The following LBP variants were observed in gnomAD, a reference collection of about 807,000 sequenced individuals.
LBP encodes the protein lipopolysaccharide-binding protein.
A neutral mutation model predicts 56.6 loss-of-function variants in LBP; 53 were observed. That is an observed-to-expected ratio of 0.94 (90% CI 0.75 to 1.18). The LOEUF (loss-of-function observed/expected upper bound fraction) is 1.18. LBP is among the 50% of genes most tolerant of loss of function. LBP has a pLI of 0.00. For synonymous variants in LBP, 227 were observed against 247.5 expected, an observed-to-expected ratio of 0.92 and a Z score of 0.78; for missense variants, 601 against 598.3, an observed-to-expected ratio of 1.00 and a Z score of -0.05.
In LBP at chr20:38,357,626, A is replaced by C. The variant is rs11536950; in HGVS notation, c.588+2217A>C. On this transcript the variant is annotated intron_variant, in intron 5 of 14. Coordinates refer to ENST00000217407, the MANE Select transcript of LBP (RefSeq NM_004139.5). ...CTCACGCAAGAAAGAATTTGGGGTG[A>C]GTTCATAAAGTGAAAGCAAGTTTAT... Among the ~76,000 whole-genome samples, 1,395 of 152,352 alleles carry C rather than the reference A, an allele frequency of 9.2e-3. 23 individuals are homozygous for C. Among genetic ancestry groups the C allele is most frequent in the African/African-American group, 0.03 (1,253 of 41,574 alleles).
At chr20:38,376,439 A>G (rs563377527) in intron 14 of LBP, among the ~76,000 whole-genome samples, 186 bp from the exon 15 acceptor site, 1 of 152,352 alleles carries the variant, frequency 6.6e-6, no homozygotes, top group African/African-American at 2.4e-5. Flanking sequence ...ACCTTGGAGA[A>G]GGTAGCTGGG....
chr20:38,376,474 T>C (rs2083959050), intron 14 of LBP, 151 bp from the exon 15 acceptor site: 2 of 723,090 alleles, frequency 2.8e-6, no homozygotes, highest in Non-Finnish European at 5.0e-6. Context: ...ACGGAGAGCT[T>C]GGGGACTGAG....
In LBP at chr20:38,354,349, G is replaced by A; in HGVS notation, c.434G>A (p.Gly145Asp). 6.2e-7 allele frequency: 1 copy of A among 1,613,750 alleles called. No homozygotes were observed. Among genetic ancestry groups the A allele is most frequent in the Non-Finnish European group, 8.5e-7 (1 of 1,179,946 alleles). Reference sequence around the variant, plus strand: ...AGCATTTCGGTCAACCTCCTGTTGGGCAGCGAGTCCTCCGGGAGGCCCACA... The same window carrying A: ...AGCATTTCGGTCAACCTCCTGTTGGACAGCGAGTCCTCCGGGAGGCCCACA... ...GISISVNLLL[G>D]SESSGRPTVT... The change falls in exon 4 of 15, where the codon GGC becomes GAC. Residue 145 changes from glycine to aspartate, a missense_variant. Gly to Asp is a moderately conservative substitution (Grantham distance 94). Coordinates refer to ENST00000217407, the MANE Select transcript of LBP (RefSeq NM_004139.5).
chr20:38,373,167 A>G, intron 13 of LBP, 32 bp downstream of exon 13: 1 of 1,557,488 alleles, frequency 6.4e-7, no homozygotes, highest in South Asian at 1.1e-5. Flanking sequence ...TCCAAGTCAA[A>G]AGTGAACACT....
rs2076898175 is a variant in LBP at position 38,370,785 on chromosome 20, T to C, written c.1197T>C (p.Thr399=). 1.9e-6 allele frequency: 3 copies of C among 1,614,088 alleles called. No individual in the cohort carries two copies. Among genetic ancestry groups the C allele is most frequent in the East Asian group, 4.5e-5 (2 of 44,872 alleles). The part of the protein sequence containing the change: ...ATLTFNTSKI[T]GFLKPGKVKV... Reference sequence around the variant, plus strand: ...TGACCTTCAATACCAGCAAGATCACTGGGTTCCTGAAGCCAGGAAAGTAAG... The same window carrying C: ...TGACCTTCAATACCAGCAAGATCACCGGGTTCCTGAAGCCAGGAAAGTAAG... The change falls in exon 11 of 15, where the codon ACT becomes ACC. Residue 399 remains threonine (T), a synonymous_variant. Coordinates refer to ENST00000217407, the MANE Select transcript of LBP (RefSeq NM_004139.5).
At chr20:38,364,180 G>T in intron 7 of LBP, 114 bp downstream of exon 7, 1 of 728,368 alleles carries the variant, frequency 1.4e-6, no homozygotes. Context: ...AGTGGTTCCC[G>T]CTTTGTCAAG....
chr20:38,349,484 A>C (rs1306186500), intron 1 of LBP, 64 bp from the exon 2 acceptor site: 3 of 1,242,102 alleles, frequency 2.4e-6, no homozygotes, highest in Non-Finnish European at 3.4e-6. Context: ...GAGCCACCGT[A>C]GGGTTTAGAG....
chr20:38,350,539 G>A (rs937069044), intron 2 of LBP, among the ~76,000 whole-genome samples: 8 of 152,302 alleles, frequency 5.3e-5, no homozygotes, highest in South Asian at 2.1e-4. Context: ...CTGCAAAACC[G>A]TGAGCAATTG....
chr20:38,368,353 A>T, intron 9 of LBP, among the ~76,000 whole-genome samples: 1 of 152,140 alleles, frequency 6.6e-6, no homozygotes, highest in Non-Finnish European at 1.5e-5. Flanking sequence ...TAATCCCAGC[A>T]CTTTGGGAGG....
At chr20:38,370,979 T>C (rs970525312) in intron 11 of LBP, among the ~76,000 whole-genome samples, 174 bp downstream of exon 11, 4 of 152,144 alleles carry the variant, frequency 2.6e-5, no homozygotes, top group African/African-American at 9.7e-5. Flanking sequence ...AAATCTCAAA[T>C]TGTTAAAGAA....
Position 38,374,012 on chromosome 20 carries a change from A to G in LBP, c.1400A>G (p.Lys467Arg). Residue 467 changes from lysine (K) to arginine (R), a missense_variant and splice_region_variant, in exon 14 of 15, where the codon AAG becomes AGG. By Grantham distance (26) the Lys-to-Arg change is conservative. Coordinates refer to ENST00000217407, the MANE Select transcript of LBP (RefSeq NM_004139.5). ...QLYDLGLQIH[K>R]DFLFLGANVQ... ...TACGACCTTGGGCTGCAGATCCATA[A>G]GGTCGGTGGGTTCAGGGGGGCTCTG... 1 of 1,614,010 alleles carries G rather than the reference A, an allele frequency of 6.2e-7. No individual in the cohort carries two copies. Among genetic ancestry groups the G allele is most frequent in the Non-Finnish European group, 8.5e-7 (1 of 1,179,906 alleles).
intron 3 of LBP, among the ~76,000 whole-genome samples, chr20:38,351,632 G>T (rs1401177294): frequency 6.6e-6 from 1 of 152,158 alleles, no homozygotes; most frequent in Non-Finnish European, 1.5e-5. Context: ...CAAGGTTTTG[G>T]CAGGCCTGGT....
At chr20:38,349,795 C>A in intron 2 of LBP, 133 bp downstream of exon 2, 1 of 627,250 alleles carries the variant, frequency 1.6e-6, no homozygotes, top group Non-Finnish European at 2.8e-6. Context: ...TGGGATAGTT[C>A]CCTGAAGAGC....
intron 14 of LBP, 57 bp from the exon 15 acceptor site, chr20:38,376,568 C>T: frequency 1.3e-6 from 2 of 1,493,100 alleles, no homozygotes; most frequent in Non-Finnish European, 1.9e-6. Context: ...ATCGCAGATG[C>T]ATCTTTTTGG....
chr20:38,356,884 C>T (rs2076843045), intron 5 of LBP, among the ~76,000 whole-genome samples: 1 of 152,138 alleles, frequency 6.6e-6, no homozygotes, highest in Admixed American at 6.5e-5. Context: ...GAGACAGAGT[C>T]TCACTCTGTC....
At position 38,354,363 on chromosome 20, in the gene LBP, G is replaced by C; in HGVS notation, c.448G>C (p.Gly150Arg). The C allele has an allele frequency of 6.2e-7, 1 of 1,613,596 alleles. No homozygotes were observed. The highest frequency in any genetic ancestry group is 2.2e-5 in the East Asian group (1 of 44,856). Residue 150 changes from glycine (G) to arginine (R), a missense_variant, in exon 4 of 15, where the codon GGG becomes CGG. Gly to Arg is a moderately radical substitution (Grantham distance 125). Transcript: ENST00000217407. ...VNLLLGSESS[G>R]RPTVTASSCS... Reference sequence around the variant, plus strand: ...CCTCCTGTTGGGCAGCGAGTCCTCCGGGAGGCCCACAGTTACTGCCTCCAG... The same window carrying C: ...CCTCCTGTTGGGCAGCGAGTCCTCCCGGAGGCCCACAGTTACTGCCTCCAG...
At chr20:38,369,264 C>G in intron 10 of LBP, 102 bp downstream of exon 10, 1 of 1,162,094 alleles carries the variant, frequency 8.6e-7, no homozygotes, top group Non-Finnish European at 1.2e-6. Flanking sequence ...GTAATTCCTC[C>G]AGGTCTCAAC....
intron 12 of LBP, among the ~76,000 whole-genome samples, chr20:38,371,808 T>A (rs1457242305): frequency 2.6e-5 from 4 of 151,940 alleles, no homozygotes; most frequent in Non-Finnish European, 5.9e-5. Context: ...TTCAGTTTTT[T>A]AAAAAATTTG....
rs1198242301 is a variant in LBP, at chr20:38,376,912, T to G, written c.*243T>G. ...CCCTCCCCGACTGGCCTGGGATATCTTTACAAGCAGGCACTGTATTTTTTT... is the reference window on the plus strand; with the variant it reads ...CCCTCCCCGACTGGCCTGGGATATCGTTACAAGCAGGCACTGTATTTTTTT... On this transcript the variant is annotated 3_prime_UTR_variant, in exon 15 of 15. Transcript: ENST00000217407. The G allele has an allele frequency of 1.5e-6, 1 of 661,562 alleles. No homozygotes were observed. Among genetic ancestry groups the G allele is most frequent in the East Asian group, 3.0e-5 (1 of 33,732 alleles). 41.0% of individuals were successfully genotyped at this position (661,562 alleles called of 1,614,324 possible).
Sources: allele counts gnomAD v4.1 joint callset (sites outside exome capture counted in the v4.1 genomes callset), GRCh38; gene constraint gnomAD v4.1.1; transcripts MANE v1.5; gene names NCBI Gene and HGNC (gene_info 2026-07-23, HGNC 2026-07-21).